DTWD2: variants seen among roughly 807,000 people sequenced by gnomAD.
DTWD2 encodes tRNA-uridine aminocarboxypropyltransferase 2.
DTWD2 carries 39 observed loss-of-function variants against 31.8 expected under a neutral mutation model. The observed-to-expected ratio is 1.22, with a 90% CI of 0.95 to 1.60. The LOEUF (loss-of-function observed/expected upper bound fraction) is 1.60, where lower values mean the gene tolerates loss of function less well. DTWD2 is among the 40% of genes most tolerant of loss of function. The pLI is 0.00. For missense variants in DTWD2, 515 were observed against 381.5 expected (o/e 1.35, Z -2.92); for synonymous variants, 180 against 142.8 (o/e 1.26, Z -1.86).
intron 1 of DTWD2, among the ~76,000 whole-genome samples, chr5:118,986,697 T>C (rs1755435101): frequency 6.6e-6 from 1 of 152,182 alleles, no homozygotes; most frequent in South Asian, 2.1e-4. Flanking sequence ...AACACCTAAA[T>C]ATTCTCCATA....
At chr5:118,910,558 C>T (rs1442320926) in intron 4 of DTWD2, among the ~76,000 whole-genome samples, 2 of 152,194 alleles carry the variant, frequency 1.3e-5, no homozygotes, top group Non-Finnish European at 2.9e-5. Context: ...ACCACAATTG[C>T]CCTTAATGCT....
intron 1 of DTWD2, among the ~76,000 whole-genome samples, chr5:118,959,203 T>C (rs900408368): frequency 1.3e-5 from 2 of 152,106 alleles, no homozygotes; most frequent in African/African-American, 4.8e-5. Context: ...GAAAACCCCA[T>C]AGTCTGCCCA....
chr5:118,854,617 G>A (rs1001219616), intron 4 of DTWD2, among the ~76,000 whole-genome samples: 88 of 152,066 alleles, frequency 5.8e-4, no homozygotes, highest in African/African-American at 2.0e-3. Flanking sequence ...CATTATATTT[G>A]TCTAATCACA....
rs974658573 is a variant in DTWD2 at position 118,948,319 on chromosome 5, C to CA, written c.219-3671dup. ...TGAAACCCCGTCTCTACTAAAAATA[C>CA]AAAAAAAAAAAATTAGCCGGGCATG... On this transcript the variant is annotated intron_variant, in intron 1 of 5. Coordinates refer to ENST00000510708, the MANE Select transcript of DTWD2 (RefSeq NM_173666.4). Among the ~76,000 whole-genome samples the CA allele has an allele frequency of 4.6e-3, 659 of 142,418 alleles. 4 individuals carry two copies. The highest frequency in any genetic ancestry group is 0.014 in the African/African-American group (567 of 39,172). The allele number at this position is 142,418 out of a possible 152,430, so 93.4% of individuals were successfully genotyped here. A position where few individuals can be genotyped will look rare whatever the true frequency, so the allele number is the denominator to read the frequency against.
At chr5:118,924,493 A>T (rs1482250836) in intron 4 of DTWD2, among the ~76,000 whole-genome samples, 2 of 152,186 alleles carry the variant, frequency 1.3e-5, no homozygotes, top group African/African-American at 4.8e-5. Context: ...ATTTGTATCC[A>T]TCTACTAAGG....
intron 1 of DTWD2, among the ~76,000 whole-genome samples, chr5:118,967,716 A>C (rs1290963003): frequency 1.3e-5 from 2 of 152,260 alleles, no homozygotes; most frequent in Non-Finnish European, 2.9e-5. Flanking sequence ...ATAAATGGGG[A>C]GAAAAAGACA....
chr5:118,928,779 G>A (rs759759584), intron 3 of DTWD2, 50 bp from the exon 4 acceptor site: 4 of 1,386,212 alleles, frequency 2.9e-6, no homozygotes, highest in South Asian at 1.9e-5. Context: ...GAGGAAAAAA[G>A]GTTTTATTAT....
chr5:118,858,346 A>C (rs1752185583), intron 4 of DTWD2, among the ~76,000 whole-genome samples: 1 of 152,192 alleles, frequency 6.6e-6, no homozygotes, highest in Non-Finnish European at 1.5e-5. Context: ...ATTTCAATAA[A>C]AGCTTTCCCC....
At chr5:118,876,774 T>C (rs182958333) in intron 4 of DTWD2, among the ~76,000 whole-genome samples, 194 of 152,236 alleles carry the variant, frequency 1.3e-3, no homozygotes, top group African/African-American at 4.2e-3. Context: ...ACCAGATGGA[T>C]TCACAGCTGA....
intron 1 of DTWD2, among the ~76,000 whole-genome samples, chr5:118,946,048 T>C (rs558857550): frequency 4.1e-4 from 63 of 152,196 alleles, no homozygotes; most frequent in Non-Finnish European, 6.0e-4. Flanking sequence ...GTAAATTGGC[T>C]CAAACATCTG....
chr5:118,843,488 T>C (rs1309977714), intron 5 of DTWD2, among the ~76,000 whole-genome samples: 1 of 152,046 alleles, frequency 6.6e-6, no homozygotes, highest in East Asian at 1.9e-4. Context: ...ATGAGGAAAA[T>C]AAGAGAGGGA....
intron 4 of DTWD2, among the ~76,000 whole-genome samples, chr5:118,916,078 G>C (rs556652190): frequency 2.7e-4 from 41 of 152,280 alleles, no homozygotes; most frequent in African/African-American, 9.9e-4. Flanking sequence ...TCACATTTCA[G>C]AAACTTGAGA....
chr5:118,968,273 G>A (rs1172795019), intron 1 of DTWD2, among the ~76,000 whole-genome samples: 1 of 151,894 alleles, frequency 6.6e-6, no homozygotes, highest in East Asian at 1.9e-4. Context: ...TTAATGCAAT[G>A]TGGGATGCTG....
chr5:118,988,064 G>A (rs1755468286), intron 1 of DTWD2: 1 of 714,880 alleles, frequency 1.4e-6, no homozygotes. Flanking sequence ...CTCATCCCAT[G>A]ATACGCTCAG....
Position 118,928,571 on chromosome 5 carries a change from A to T in DTWD2, c.563T>A (p.Phe188Tyr), listed in dbSNP as rs778504601. ...ATGTCGGAACAAGGAGTTCTTATAGAAAATGTCCTTAGCCTGGCTCCATGT... is the reference window on the plus strand; with the variant it reads ...ATGTCGGAACAAGGAGTTCTTATAGTAAATGTCCTTAGCCTGGCTCCATGT... Reference protein sequence around the residue: ...DGTWSQAKDIFYKNSLFRHPK... With the variant: ...DGTWSQAKDIYYKNSLFRHPK... The change falls in exon 4 of 6, where the codon TTC becomes TAC. Residue 188 changes from phenylalanine to tyrosine, a missense_variant. Coordinates refer to ENST00000510708, the MANE Select transcript of DTWD2 (RefSeq NM_173666.4). 4.6e-6 allele frequency: 7 copies of T among 1,532,128 alleles called. No homozygotes were observed. In the South Asian group the frequency reaches 9.9e-5, roughly 22 times the overall value. The allele number at this position is 1,532,128 out of a possible 1,614,324, so 94.9% of individuals were successfully genotyped here. A position where few individuals can be genotyped will look rare whatever the true frequency, so the allele number is the denominator to read the frequency against.
At chr5:118,969,047 CTG>C (rs553634497) in intron 1 of DTWD2, among the ~76,000 whole-genome samples, 5 of 152,184 alleles carry the variant, frequency 3.3e-5, no homozygotes, top group Non-Finnish European at 7.4e-5. Flanking sequence ...ACACAGCAGA[CTG>C]TGGTCAGACT....
intron 1 of DTWD2, among the ~76,000 whole-genome samples, chr5:118,987,670 C>A (rs1219713213): frequency 6.6e-6 from 1 of 152,208 alleles, no homozygotes; most frequent in African/African-American, 2.4e-5. Context: ...AACTCCACTG[C>A]ATTGTCAGTG....
At chr5:118,903,456 T>A (rs73239025) in intron 4 of DTWD2, among the ~76,000 whole-genome samples, 3,641 of 152,146 alleles carry the variant, frequency 0.024, 156 homozygotes, top group African/African-American at 0.083. Context: ...TATAATCTAG[T>A]CAGAATATTA....
rs565295915 is a variant in DTWD2 at position 118,986,434 on chromosome 5, C to T, written c.218+1860G>A. On this transcript the variant is annotated intron_variant, in intron 1 of 5. Coordinates refer to ENST00000510708, the MANE Select transcript of DTWD2 (RefSeq NM_173666.4). ...CTGCTGAAAAGTTAAACTGAGTTTG[C>T]ACTTCCTGAACAAAGCTAATTTCTG... 1.0e-3 allele frequency among the ~76,000 whole-genome samples: 158 copies of T among 152,232 alleles called. 1 individual carries two copies. Among genetic ancestry groups the T allele is most frequent in the African/African-American group, 3.6e-3 (151 of 41,554 alleles).
Sources: allele counts gnomAD v4.1 joint callset (sites outside exome capture counted in the v4.1 genomes callset), GRCh38; gene constraint gnomAD v4.1.1; transcripts MANE v1.5; gene names NCBI Gene and HGNC (gene_info 2026-07-23, HGNC 2026-07-21).